STK3: variants seen among roughly 807,000 people sequenced by gnomAD.
STK3 encodes the protein serine/threonine kinase 3.
STK3 carries 41 observed loss-of-function variants against 58.0 expected under a neutral mutation model. The observed-to-expected ratio is 0.71, with a 90% CI of 0.55 to 0.92. STK3 has a LOEUF of 0.92. Ranked by LOEUF, STK3 falls within the 40% of genes least tolerant of loss-of-function variation. The pLI, the probability that STK3 is intolerant of heterozygous loss-of-function variation, is 0.00. For synonymous variants in STK3, 170 were observed against 191.0 expected (o/e 0.89, Z 0.91); for missense variants, 479 against 602.7 (o/e 0.79, Z 2.15).
At chr8:98,820,516 TAA>T (rs1834821074) in intron 1 of STK3, among the ~76,000 whole-genome samples, 1 of 152,172 alleles carries the variant, frequency 6.6e-6, no homozygotes, top group South Asian at 2.1e-4. Context: ...TGACAAGTAT[TAA>T]ATATATTTTC....
chr8:98,538,228 T>C (rs1809946185), intron 9 of STK3, among the ~76,000 whole-genome samples: 1 of 152,178 alleles, frequency 6.6e-6, no homozygotes, highest in Admixed American at 6.5e-5. Context: ...TCGAAATGTG[T>C]CCTTTAATTT....
chr8:98,850,886 A>G (rs987770170), intron 3 of STK3, among the ~76,000 whole-genome samples: 1 of 152,128 alleles, frequency 6.6e-6, no homozygotes, highest in Non-Finnish European at 1.5e-5. Flanking sequence ...TTCAGAATCA[A>G]GAAGATTGTC....
chr8:98,380,927 GTTTAT>G (rs1033549149), intron 1 of STK3, among the ~76,000 whole-genome samples: 11 of 82,202 alleles, frequency 1.3e-4, no homozygotes, highest in Non-Finnish European at 3.0e-4. Context: ...AGGTTGTTGT[GTTTAT>G]TTTATTTTAA....
At chr8:98,478,212 A>G (rs1008171827) in intron 10 of STK3, among the ~76,000 whole-genome samples, 3 of 152,102 alleles carry the variant, frequency 2.0e-5, no homozygotes, top group African/African-American at 4.8e-5. Flanking sequence ...TCCAACCCAA[A>G]TACTCTGCCC....
At chr8:98,450,143 T>C (rs1427915566), downstream of STK3, among the ~76,000 whole-genome samples, 1 of 152,160 alleles carries the variant, frequency 6.6e-6, no homozygotes, top group Non-Finnish European at 1.5e-5. Flanking sequence ...CTTTAAAAAA[T>C]TGAGCATGAT....
chr8:98,694,595 G>A (rs949506025), intron 6 of STK3, among the ~76,000 whole-genome samples: 1 of 152,094 alleles, frequency 6.6e-6, no homozygotes, highest in East Asian at 1.9e-4. Context: ...GTGAGAACAT[G>A]TGGTGTTTGG....
chr8:98,781,249 T>G (rs1301550635), intron 1 of STK3, among the ~76,000 whole-genome samples: 1 of 152,158 alleles, frequency 6.6e-6, no homozygotes, highest in African/African-American at 2.4e-5. Flanking sequence ...CCAAGTAATT[T>G]TGCTGAGTTG....
chr8:98,743,396 A>C (rs1017365362), intron 4 of STK3, among the ~76,000 whole-genome samples: 17 of 152,314 alleles, frequency 1.1e-4, no homozygotes, highest in Admixed American at 2.0e-4. Context: ...GATATAGATC[A>C]ATGGAACAGA....
At chr8:98,649,993 TTTAA>T (rs1820751398) in intron 6 of STK3, among the ~76,000 whole-genome samples, 1 of 152,204 alleles carries the variant, frequency 6.6e-6, no homozygotes, top group Non-Finnish European at 1.5e-5. Context: ...TGAAACTACT[TTTAA>T]TTGATTACTT....
At chr8:98,346,105 G>C in the STK3 span, among the ~76,000 whole-genome samples, 272 of 152,076 alleles carry the variant, frequency 1.8e-3, 3 homozygotes, top group African/African-American at 5.9e-3. Context: ...GGCCAACATG[G>C]TGAAACCCCA....
intron 7 of STK3, among the ~76,000 whole-genome samples, chr8:98,590,105 G>T (rs546670815): frequency 6.6e-6 from 1 of 152,262 alleles, no homozygotes; most frequent in Admixed American, 6.5e-5. Context: ...GTTCCTATTC[G>T]GCCATCTTGG....
rs371268701 is a variant in STK3, at chr8:98,789,977, G to A, written c.27-15158C>T. Among the ~76,000 whole-genome samples, 31 of 133,608 alleles carry A rather than the reference G, an allele frequency of 2.3e-4. 1 individual carries two copies. The highest frequency in any genetic ancestry group is 3.7e-4 in the Non-Finnish European group (24 of 65,424). The allele number at this position is 133,608 out of a possible 152,430, so 87.7% of individuals were successfully genotyped here. A position where few individuals can be genotyped will look rare whatever the true frequency, so the allele number is the denominator to read the frequency against. ...CGGGAGGCAGAGGTTGCAATGAGGC[G>A]AAATCGCGCCATTGCACTCCAGACT... On this transcript the variant is annotated intron_variant, in intron 1 of 10. Coordinates refer to ENST00000419617, the MANE Select transcript of STK3 (RefSeq NM_006281.4).
chr8:98,599,731 AG>A (rs1362646873), intron 6 of STK3, among the ~76,000 whole-genome samples: 1 of 152,026 alleles, frequency 6.6e-6, no homozygotes, highest in Non-Finnish European at 1.5e-5. Context: ...CAACACTTTG[AG>A]GGGCTGAGGC....
At chr8:98,579,585 TG>T in intron 8 of STK3, 78 bp downstream of exon 8, 1 of 1,485,482 alleles carries the variant, frequency 6.7e-7, no homozygotes, top group Non-Finnish European at 9.1e-7. Flanking sequence ...AAACAGTAAG[TG>T]CTTTTAATAT....
intron 4 of STK3, among the ~76,000 whole-genome samples, chr8:98,717,695 G>T (rs1827120281): frequency 6.6e-6 from 1 of 152,072 alleles, no homozygotes; most frequent in Non-Finnish European, 1.5e-5. Context: ...TTAAATGCAG[G>T]GTCTCAAAGA....
intron 1 of STK3, among the ~76,000 whole-genome samples, chr8:98,914,854 C>T (rs1839284719): frequency 6.6e-6 from 1 of 152,152 alleles, no homozygotes; most frequent in Non-Finnish European, 1.5e-5. Context: ...ACATCTTTCA[C>T]TAAACAGAAT....
At chr8:98,560,735 C>A (rs1276575145) in intron 8 of STK3, among the ~76,000 whole-genome samples, 2 of 151,928 alleles carry the variant, frequency 1.3e-5, no homozygotes, top group Non-Finnish European at 2.9e-5. Flanking sequence ...AATACTGAAT[C>A]AGAAAAACAA....
intron 9 of STK3, among the ~76,000 whole-genome samples, chr8:98,539,468 C>T (rs1013958085): frequency 9.2e-5 from 14 of 152,060 alleles, no homozygotes; most frequent in Non-Finnish European, 1.2e-4. Flanking sequence ...CCTCAACTGA[C>T]ACTAATATCT....
At chr8:98,546,875 CA>C (rs1415170104) in intron 9 of STK3, among the ~76,000 whole-genome samples, 1 of 152,088 alleles carries the variant, frequency 6.6e-6, no homozygotes, top group Non-Finnish European at 1.5e-5. Flanking sequence ...CCTCTCTATC[CA>C]AAGTACATAT....
Sources: gnomAD v4.1 joint callset for allele counts (sites outside exome capture counted in the v4.1 genomes callset) on GRCh38, gnomAD v4.1.1 for gene constraint, MANE v1.5 for transcripts, NCBI Gene and HGNC (gene_info 2026-07-23, HGNC 2026-07-21) for gene names.